The following SRSF6 variants were observed in gnomAD, a reference collection of about 807,000 sequenced individuals.
SRSF6 encodes serine/arginine-rich splicing factor 6.
SRSF6 carries 17 observed loss-of-function variants against 42.0 expected under a neutral mutation model. The ratio of observed to expected loss-of-function variants is 0.40; its 90% CI spans 0.28 to 0.61. The LOEUF (loss-of-function observed/expected upper bound fraction) is 0.61. Ranked by LOEUF, SRSF6 falls within the 20% of genes least tolerant of loss-of-function variation. SRSF6 has a pLI of 0.37. For synonymous variants in SRSF6, 204 were observed against 166.7 expected (o/e 1.22, Z -1.72); for missense variants, 379 against 471.4 (o/e 0.80, Z 1.81).
intron 1 of SRSF6, 22 bp downstream of exon 1, chr20:43,458,162 G>C: frequency 1.2e-6 from 2 of 1,607,002 alleles, no homozygotes; most frequent in Non-Finnish European, 1.7e-6. Context: ...CTGGGCGCCC[G>C]CGCCCAGCGT....
chr20:43,458,439 C>T lies in SRSF6; in HGVS notation c.186C>T (p.Gly62=). ...AGCTGAACGGCAAGGAGCTCTGCGG[C>T]GAGCGCGTGATCGTAGAGCACGCCC... ...VYELNGKELC[G]ERVIVEHARG... Residue 62 remains glycine, a synonymous_variant, in exon 2 of 6, where the codon GGC becomes GGT. Coordinates refer to ENST00000244020, the MANE Select transcript of SRSF6 (RefSeq NM_006275.6). 2.0e-6 allele frequency: 3 copies of T among 1,535,324 alleles called. No individual in the cohort carries two copies. Among genetic ancestry groups the T allele is most frequent in the South Asian group, 2.4e-5 (2 of 83,166 alleles).
At position 43,460,954 on chromosome 20, in the gene SRSF6, C is replaced by T. The variant is rs372358190; in HGVS notation, c.926C>T (p.Pro309Leu). The change falls in exon 6 of 6, where the codon CCC (proline) becomes CTC (leucine). Residue 309 changes from proline to leucine, a missense_variant. This residue lies in a region of SRSF6 where 219 missense variants were observed against 216.1 expected (regional missense o/e 1.01). Coordinates refer to ENST00000244020, the MANE Select transcript of SRSF6 (RefSeq NM_006275.6). ...TCCAATTCGCCGCTACCTGTTCCAC[C>T]CTCAAAGGCCCGTTCTGTGTCCCCT... ...SRSNSPLPVP[P>L]SKARSVSPPP... 3 of 1,614,006 alleles carry T rather than the reference C, an allele frequency of 1.9e-6. No homozygotes were observed. The highest frequency in any genetic ancestry group is 2.5e-6 in the Non-Finnish European group (3 of 1,180,024).
At chr20:43,458,870 A>C (rs1600860611) in intron 2 of SRSF6, among the ~76,000 whole-genome samples, 1 of 8,592 alleles carries the variant, frequency 1.2e-4, no homozygotes, top group Non-Finnish European at 2.2e-4. Flanking sequence ...GCTCGGGTGG[A>C]GGTGGGGTAG....
intron 1 of SRSF6, 86 bp downstream of exon 1, chr20:43,458,226 G>C: frequency 6.8e-7 from 1 of 1,466,688 alleles, no homozygotes; most frequent in Non-Finnish European, 9.1e-7. Context: ...CCAAGGCCGC[G>C]GCGCCGCGTG....
chr20:43,461,705 T>C lies in SRSF6; in HGVS notation c.*642T>C, dbSNP rs2017603380. 6.6e-6 allele frequency: 1 copy of C among 152,628 alleles called. No homozygotes were observed. The highest frequency in any genetic ancestry group is 1.5e-5 in the Non-Finnish European group (1 of 68,034). 9.5% of individuals were successfully genotyped at this position (152,628 alleles called of 1,614,324 possible). On this transcript the variant is annotated 3_prime_UTR_variant, in exon 6 of 6. Coordinates refer to ENST00000244020, the MANE Select transcript of SRSF6 (RefSeq NM_006275.6). ...GTTTGGATAACATTATTTTGTGCAG[T>C]TAATCAAATTTGCCAAAGTCTTTAT...
At position 43,462,922 on chromosome 20, in the gene SRSF6, A is replaced by C. The variant is rs1436951374; in HGVS notation, c.*1859A>C. The C allele has an allele frequency of 1.3e-5, 2 of 152,670 alleles. No individual in the cohort carries two copies. The highest frequency in any genetic ancestry group is 4.8e-5 in the African/African-American group (2 of 41,468). The allele number at this position is 152,670 out of a possible 1,614,324, so 9.5% of individuals were successfully genotyped here. ...GTTGTTATAGTTCATTGTTTTGCCT[A>C]CTCAGCAGAAGTGATGACTCTTAAA... On this transcript the variant is annotated 3_prime_UTR_variant, in exon 6 of 6. Coordinates refer to ENST00000244020, the MANE Select transcript of SRSF6 (RefSeq NM_006275.6).
In SRSF6 at chr20:43,459,990, A is replaced by G. The variant is rs777475119; in HGVS notation, c.382-43A>G. The G allele has an allele frequency of 5.0e-6, 8 of 1,612,912 alleles. No homozygotes were observed. In the Admixed American group the frequency reaches 1.3e-4, roughly 27 times the overall value. On this transcript the variant is annotated intron_variant, in intron 3 of 5. Coordinates refer to ENST00000244020, the MANE Select transcript of SRSF6 (RefSeq NM_006275.6). Reference sequence around the variant, plus strand: ...TTTCTGGGAATTTATTATGGTATATAGATGTTTTAAGATTTCCGAGTCTGA... The same window carrying G: ...TTTCTGGGAATTTATTATGGTATATGGATGTTTTAAGATTTCCGAGTCTGA...
chr20:43,458,259 GGCGCGGCGTC>G, intron 1 of SRSF6, 92 bp from the exon 2 acceptor site: 1 of 1,400,802 alleles, frequency 7.1e-7, no homozygotes, highest in Non-Finnish European at 9.3e-7. Context: ...AGATGGCGAC[GGCGCGGCGTC>G]GCGGGGGCGC....
rs1568901740 is a variant in SRSF6, at chr20:43,461,346, T to TG, written c.*283_*284insG. On this transcript the variant is annotated 3_prime_UTR_variant, in exon 6 of 6. Coordinates refer to ENST00000244020, the MANE Select transcript of SRSF6 (RefSeq NM_006275.6). ...AAGCTCATTTAGTGTTGTTTTTTTT[T>TG]TTTTTTTTTTTTTTTTTTTTTTTTT... The TG allele has an allele frequency of 2.5e-4, 12 of 48,262 alleles. No individual in the cohort carries two copies. Among genetic ancestry groups the TG allele is most frequent in the South Asian group, 1.6e-3 (3 of 1,878 alleles). 3.0% of individuals were successfully genotyped at this position (48,262 alleles called of 1,614,324 possible).
In SRSF6 at chr20:43,463,490, A is replaced by G. The variant is rs2017638850; in HGVS notation, c.*2427A>G. 1 of 153,112 alleles carries G rather than the reference A, an allele frequency of 6.5e-6. No individual in the cohort carries two copies. The highest frequency in any genetic ancestry group is 6.5e-5 in the Admixed American group (1 of 15,286). 9.5% of individuals were successfully genotyped at this position (153,112 alleles called of 1,614,324 possible). ...AACATGCCGTAGTGCCTTTATGGCC[A>G]GTTTGAGTCCTGCCTACTTTGACTT... On this transcript the variant is annotated 3_prime_UTR_variant, in exon 6 of 6. Coordinates refer to ENST00000244020, the MANE Select transcript of SRSF6 (RefSeq NM_006275.6).
rs2017572630 is a variant in SRSF6, at chr20:43,460,746, G to A, written c.718G>A (p.Gly240Ser). The A allele has an allele frequency of 1.2e-6, 2 of 1,613,832 alleles. No individual in the cohort carries two copies. The highest frequency in any genetic ancestry group is 2.7e-5 in the African/African-American group (2 of 74,902). ...AGGTCGATCACGTTCTCGATCAAAA[G>A]GCAGGAAATCTAGATCAAAGAGCAA... is the stretch of plus-strand genomic sequence containing the variant. ...SKGRSRSRSK[G>S]RKSRSKSKSK... is the part of the protein sequence containing the mutation. The change falls in exon 6 of 6, where the codon GGC becomes AGC. Residue 240 changes from glycine to serine, a missense_variant. Coordinates refer to ENST00000244020, the MANE Select transcript of SRSF6 (RefSeq NM_006275.6).
chr20:43,461,985 G>A lies in SRSF6; in HGVS notation c.*922G>A, dbSNP rs542495465. 3 of 152,208 alleles carry A rather than the reference G, an allele frequency of 2.0e-5. No homozygotes were observed. Among genetic ancestry groups the A allele is most frequent in the South Asian group, 2.1e-4 (1 of 4,824 alleles). 9.4% of individuals were successfully genotyped at this position (152,208 alleles called of 1,614,324 possible). ...GTGGAAATGGAAGTAGCCTCTTTTT[G>A]TTCTGAAATTGAGTTTATTCAAAGT... is the stretch of plus-strand genomic sequence containing the variant. On this transcript the variant is annotated 3_prime_UTR_variant, in exon 6 of 6. Transcript: ENST00000244020.
Position 43,463,755 on chromosome 20 carries a change from A to G in SRSF6, c.*2692A>G, listed in dbSNP as rs2017642858. 6.6e-6 allele frequency: 1 copy of G among 152,204 alleles called. No homozygotes were observed. Among genetic ancestry groups the G allele is most frequent in the South Asian group, 2.1e-4 (1 of 4,830 alleles). The allele number at this position is 152,204 out of a possible 1,614,324, so 9.4% of individuals were successfully genotyped here. A position where few individuals can be genotyped will look rare whatever the true frequency, so the allele number is the denominator to read the frequency against. On this transcript the variant is annotated 3_prime_UTR_variant, in exon 6 of 6. Transcript: ENST00000244020. ...ACTTACCCAGAAACGTGAGTTTGGG[A>G]TTTAGTATATGGTTTATGTTGGGCA... is the stretch of plus-strand genomic sequence containing the variant.
Position 43,460,530 on chromosome 20 carries a change from A to G in SRSF6, c.606A>G (p.Arg202=), listed in dbSNP as rs149025812. 40 of 1,613,950 alleles carry G rather than the reference A, an allele frequency of 2.5e-5. No individual in the cohort carries two copies. The Middle Eastern group carries it at 6.6e-4, about 27-fold the overall frequency. The change falls in exon 5 of 6, where the codon AGA becomes AGG. Residue 202 remains arginine, a synonymous_variant. Coordinates refer to ENST00000244020, the MANE Select transcript of SRSF6 (RefSeq NM_006275.6). Reference sequence around the variant, plus strand: ...CTCCTAATAGGTCTCGATCTAGAAGACGGTCACGAAGTAGGAGTCGCAGGA... The same window carrying G: ...CTCCTAATAGGTCTCGATCTAGAAGGCGGTCACGAAGTAGGAGTCGCAGGA... ...SGSRSRSRSR[R]RSRSRSRRSS... is the part of the protein sequence containing the mutation.
At chr20:43,460,673 T>A in intron 5 of SRSF6, 30 bp from the exon 6 acceptor site, 1 of 1,612,358 alleles carries the variant, frequency 6.2e-7, no homozygotes, top group Non-Finnish European at 8.5e-7. Flanking sequence ...TCTCACTAAG[T>A]ATTGAGAAAA....
At chr20:43,459,632 AAATGTG>A in intron 2 of SRSF6, 133 bp from the exon 3 acceptor site, 1 of 1,412,850 alleles carries the variant, frequency 7.1e-7, no homozygotes, top group Non-Finnish European at 9.6e-7. Flanking sequence ...GGCAAATCAC[AAATGTG>A]TCGAAGGTTT....
chr20:43,458,556 CG>C, intron 2 of SRSF6, 47 bp downstream of exon 2: 1 of 1,422,902 alleles, frequency 7.0e-7, no homozygotes, highest in Non-Finnish European at 9.1e-7. Context: ...ACCCTGGGGG[CG>C]GGGGTGGGTG....
chr20:43,459,712 AAG>A, intron 2 of SRSF6, 57 bp from the exon 3 acceptor site: 2 of 1,610,620 alleles, frequency 1.2e-6, no homozygotes, highest in Non-Finnish European at 1.7e-6. Context: ...CTAACTTTCA[AAG>A]ACATTATGCG....
At chr20:43,459,562 G>C in intron 2 of SRSF6, 1 of 1,277,518 alleles carries the variant, frequency 7.8e-7, no homozygotes, top group Non-Finnish European at 1.0e-6. Context: ...CTCTCTAACA[G>C]ATTGTAGGAG....
Sources: gnomAD v4.1 joint callset for allele counts (sites outside exome capture counted in the v4.1 genomes callset) on GRCh38, gnomAD v4.1.1 for gene constraint, gnomAD v4.1.1 regional missense constraint, MANE v1.5 for transcripts, NCBI Gene and HGNC (gene_info 2026-07-23, HGNC 2026-07-21) for gene names.